Variants in FHIT observed in about 807,000 individuals in gnomAD.
FHIT encodes bis(5'-adenosyl)-triphosphatase.
In FHIT, 19 loss-of-function variants were observed where a neutral mutation model predicts 17.9. The observed-to-expected ratio is 1.06, with a 90% CI of 0.74 to 1.56. The LOEUF (loss-of-function observed/expected upper bound fraction) is 1.56. Among genes scored for constraint, FHIT ranks in the 40% most tolerant of loss-of-function variants. The pLI, the probability that FHIT is intolerant of heterozygous loss-of-function variation, is 0.00. For synonymous variants in FHIT, 81 were observed against 69.7 expected (o/e 1.16, Z -0.81); for missense variants, 248 against 189.2 (o/e 1.31, Z -1.82).
At chr3:60,483,753 C>G (rs865799079) in intron 5 of FHIT, among the ~76,000 whole-genome samples, 65 of 152,234 alleles carry the variant, frequency 4.3e-4, no homozygotes, top group Middle Eastern at 3.4e-3. Context: ...GAAGCATTCT[C>G]TTTAAAAACT....
intron 5 of FHIT, among the ~76,000 whole-genome samples, chr3:60,367,143 T>A (rs549461364): frequency 2.1e-4 from 32 of 152,352 alleles, no homozygotes; most frequent in African/African-American, 7.7e-4. Flanking sequence ...TACTCATAGA[T>A]AATGGGCTGG....
rs117758873 is a variant in FHIT, at chr3:59,788,287, T to C, written c.349-35966A>G. Among the ~76,000 whole-genome samples, 10 of 152,288 alleles carry C rather than the reference T, an allele frequency of 6.6e-5. No individual in the cohort carries two copies. In the East Asian group the frequency reaches 1.9e-3, roughly 29 times the overall value. ...AATCATTTGAACATCCTGCCTCAAT[T>C]GAATCATCCTGACAGCTATCCCTAT... On this transcript the variant is annotated intron_variant, in intron 8 of 9. Transcript: ENST00000492590.
chr3:60,239,254 ACTT>A (rs1368804358), intron 5 of FHIT, among the ~76,000 whole-genome samples: 1 of 152,164 alleles, frequency 6.6e-6, no homozygotes, highest in East Asian at 1.9e-4. Context: ...AGTTGAATGT[ACTT>A]CTTTTTGAAA....
At chr3:60,852,030 T>C (rs561914841) in intron 3 of FHIT, among the ~76,000 whole-genome samples, 2 of 152,212 alleles carry the variant, frequency 1.3e-5, no homozygotes, top group South Asian at 4.1e-4. Flanking sequence ...GTGAGGGTGC[T>C]TTGGACACAC....
At chr3:60,868,422 T>C (rs1704257548) in intron 3 of FHIT, among the ~76,000 whole-genome samples, 1 of 152,164 alleles carries the variant, frequency 6.6e-6, no homozygotes, top group African/African-American at 2.4e-5. Context: ...TCTCTTGCTG[T>C]ATATTACACT....
intron 3 of FHIT, among the ~76,000 whole-genome samples, chr3:60,995,158 A>G (rs926837681): frequency 3.3e-5 from 5 of 151,866 alleles, no homozygotes; most frequent in African/African-American, 1.2e-4. Flanking sequence ...GTCTCTACTA[A>G]GAAATAGAAA....
At position 60,181,613 on chromosome 3, in the gene FHIT, G is replaced by C. The variant is rs377701884; in HGVS notation, c.104-167461C>G. 5.9e-5 allele frequency among the ~76,000 whole-genome samples: 9 copies of C among 152,294 alleles called. 1 individual carries two copies. The highest frequency in any genetic ancestry group is 2.2e-4 in the African/African-American group (9 of 41,572). ...AACAGAAGACCAGAGTAGAGTTTAG[G>C]TTGTTAGTAAAGACATGTTTAATAA... On this transcript the variant is annotated intron_variant, in intron 5 of 9. Transcript: ENST00000492590.
At chr3:60,223,142 G>T (rs895637797) in intron 5 of FHIT, among the ~76,000 whole-genome samples, 2 of 152,246 alleles carry the variant, frequency 1.3e-5, no homozygotes, top group East Asian at 1.9e-4. Context: ...AGGGATAGAG[G>T]CTCCCCTCAG....
chr3:60,668,397 A>T (rs1405112456), intron 4 of FHIT, among the ~76,000 whole-genome samples: 3 of 143,510 alleles, frequency 2.1e-5, no homozygotes, highest in African/African-American at 5.2e-5. Context: ...AAAAAAAAAA[A>T]TCAGCCTCCC....
intron 5 of FHIT, among the ~76,000 whole-genome samples, chr3:60,471,049 G>C (rs1373782874): frequency 2.0e-5 from 3 of 152,332 alleles, no homozygotes; most frequent in Admixed American, 6.5e-5. Context: ...TCAGGACTCT[G>C]CCTGGTGCCC....
At chr3:60,344,717 A>G (rs1710690027) in intron 5 of FHIT, among the ~76,000 whole-genome samples, 1 of 152,206 alleles carries the variant, frequency 6.6e-6, no homozygotes, top group Admixed American at 6.5e-5. Flanking sequence ...CTAGATTTAT[A>G]AGTATCTTTC....
chr3:60,987,354 A>G (rs919560308), intron 3 of FHIT, among the ~76,000 whole-genome samples: 4 of 152,156 alleles, frequency 2.6e-5, no homozygotes, highest in African/African-American at 9.7e-5. Flanking sequence ...AGGGCAAGGA[A>G]CACCTGGCCT....
intron 5 of FHIT, among the ~76,000 whole-genome samples, chr3:60,486,370 CAA>C (rs2033840790): frequency 2.0e-5 from 3 of 152,180 alleles, no homozygotes; most frequent in Admixed American, 2.0e-4. Flanking sequence ...TAGAGGATCA[CAA>C]AAAGAGCTGA....
chr3:60,812,973 T>G (rs922549908), intron 4 of FHIT, among the ~76,000 whole-genome samples: 10 of 152,112 alleles, frequency 6.6e-5, no homozygotes, highest in Admixed American at 2.6e-4. Context: ...TGTTATGATT[T>G]AAATGTCCCC....
intron 5 of FHIT, among the ~76,000 whole-genome samples, chr3:60,094,872 A>T (rs1487453071): frequency 6.6e-6 from 1 of 152,116 alleles, no homozygotes; most frequent in Non-Finnish European, 1.5e-5. Context: ...AACACTGCAA[A>T]AGGAAGCACC....
At chr3:60,817,095 A>AGG (rs1701766416) in intron 4 of FHIT, among the ~76,000 whole-genome samples, 1 of 151,982 alleles carries the variant, frequency 6.6e-6, no homozygotes. Flanking sequence ...ACTTAGATTT[A>AGG]ATTTTATACT....
chr3:61,070,598 T>C (rs1344727715), intron 2 of FHIT, among the ~76,000 whole-genome samples: 2 of 152,366 alleles, frequency 1.3e-5, no homozygotes, highest in East Asian at 3.9e-4. Flanking sequence ...AACTGAATTG[T>C]ACACATAAGC....
intron 5 of FHIT, among the ~76,000 whole-genome samples, chr3:60,055,354 T>C (rs528615470): frequency 6.6e-6 from 1 of 151,698 alleles, no homozygotes; most frequent in East Asian, 1.9e-4. Context: ...CCTACATACA[T>C]GGATGAGAAA....
chr3:60,391,379 T>C (rs1701226445), intron 5 of FHIT, among the ~76,000 whole-genome samples: 2 of 152,146 alleles, frequency 1.3e-5, no homozygotes, highest in Admixed American at 6.6e-5. Context: ...CAATCCTCCT[T>C]CTTCATCAAT....
Sources: allele counts gnomAD v4.1 joint callset (sites outside exome capture counted in the v4.1 genomes callset), GRCh38; gene constraint gnomAD v4.1.1; transcripts MANE v1.5; gene names NCBI Gene and HGNC (gene_info 2026-07-23, HGNC 2026-07-21).